Variants in ANGPT4 observed in about 807,000 individuals in gnomAD.
The protein encoded by ANGPT4 is angiopoietin-4.
In ANGPT4, 50 loss-of-function variants were observed where a neutral mutation model predicts 53.0. That is an observed-to-expected ratio of 0.94 (90% CI 0.75 to 1.20). The LOEUF is 1.20. ANGPT4 is among the 50% of genes most tolerant of loss of function. The pLI is 0.00. For synonymous variants in ANGPT4, 251 were observed against 259.7 expected, an observed-to-expected ratio of 0.97 and a Z score of 0.32; for missense variants, 648 against 637.1, an observed-to-expected ratio of 1.02 and a Z score of -0.18.
At chr20:881,355 G>T in intron 4 of ANGPT4, 69 bp from the exon 5 acceptor site, 1 of 1,398,010 alleles carries the variant, frequency 7.2e-7, no homozygotes, top group Non-Finnish European at 1.0e-6. Flanking sequence ...AAGTGGGCAT[G>T]CCTGCCTGCT....
intron 1 of ANGPT4, among the ~76,000 whole-genome samples, chr20:897,261 C>A (rs764973106): frequency 6.6e-6 from 1 of 152,222 alleles, no homozygotes; most frequent in Non-Finnish European, 1.5e-5. Flanking sequence ...CAGGAGGACT[C>A]CTTCAGGAGA....
chr20:894,130 C>G (rs1981954919), intron 1 of ANGPT4, among the ~76,000 whole-genome samples: 1 of 152,188 alleles, frequency 6.6e-6, no homozygotes, highest in South Asian at 2.1e-4. Flanking sequence ...ACTGTGCTCT[C>G]AGGCAATAGA....
intron 4 of ANGPT4, 96 bp from the exon 5 acceptor site, chr20:881,382 G>A (rs1168072647): frequency 9.1e-7 from 1 of 1,103,216 alleles, no homozygotes; most frequent in African/African-American, 1.6e-5. Context: ...CAGGTTCTGG[G>A]TTGGGAGGTG....
rs1300168261 is a variant in ANGPT4 at position 885,275 on chromosome 20, A to G, written c.638T>C (p.Leu213Pro). The change falls in exon 4 of 9, where the codon CTG becomes CCG. Residue 213 changes from leucine (L) to proline (P), a missense_variant. Physicochemically the swap from Leu to Pro is moderately conservative, Grantham distance 98. Transcript: ENST00000381922. ...CGCCTTCTTGCTGAGGATGCTGGCC[A>G]GCTCCTCCTGCTGCTTGGTCTCCAG... is the stretch of plus-strand genomic sequence containing the variant. Reference protein sequence around the residue: ...QALETKQQEELASILSKKAKL... With the variant: ...QALETKQQEEPASILSKKAKL... 2 of 1,582,860 alleles carry G rather than the reference A, an allele frequency of 1.3e-6. No individual in the cohort carries two copies.
chr20:886,815 A>G (rs1160030489), intron 3 of ANGPT4, among the ~76,000 whole-genome samples: 1 of 152,230 alleles, frequency 6.6e-6, no homozygotes, highest in Non-Finnish European at 1.5e-5. Flanking sequence ...ACCACTGTTA[A>G]GTCACAAAAT....
chr20:893,250 T>C (rs1301637187), intron 1 of ANGPT4, among the ~76,000 whole-genome samples: 1 of 152,194 alleles, frequency 6.6e-6, no homozygotes, highest in Non-Finnish European at 1.5e-5. Flanking sequence ...CTGAGAGTCA[T>C]TACCAATAGA....
intron 1 of ANGPT4, among the ~76,000 whole-genome samples, 191 bp from the exon 2 acceptor site, chr20:890,559 A>G (rs943775563): frequency 1.3e-5 from 2 of 152,096 alleles, no homozygotes; most frequent in African/African-American, 4.8e-5. Context: ...GGAGGGATTT[A>G]TATGCCTGTT....
intron 1 of ANGPT4, among the ~76,000 whole-genome samples, chr20:898,635 C>T (rs186677295): frequency 6.6e-6 from 1 of 152,324 alleles, no homozygotes; most frequent in East Asian, 1.9e-4. Flanking sequence ...ACTTAATGAA[C>T]CTTGCCTTCA....
At chr20:913,664 A>T (rs973995164) in intron 1 of ANGPT4, among the ~76,000 whole-genome samples, 11 of 152,178 alleles carry the variant, frequency 7.2e-5, no homozygotes, top group African/African-American at 2.7e-4. Context: ...GGATTCAAAG[A>T]TGGATGAGAG....
intron 6 of ANGPT4, among the ~76,000 whole-genome samples, chr20:878,786 T>C (rs1981274332): frequency 6.6e-6 from 1 of 152,164 alleles, no homozygotes; most frequent in Non-Finnish European, 1.5e-5. Context: ...AAAAATTAAA[T>C]AAAATATTTC....
At chr20:913,810 G>A (rs944136152) in intron 1 of ANGPT4, among the ~76,000 whole-genome samples, 5 of 152,242 alleles carry the variant, frequency 3.3e-5, no homozygotes, top group Non-Finnish European at 7.3e-5. Flanking sequence ...AGCTGCCTGG[G>A]GGATAGGTGG....
intron 1 of ANGPT4, among the ~76,000 whole-genome samples, chr20:902,514 A>G (rs2122848226): frequency 6.6e-6 from 1 of 152,278 alleles, no homozygotes; most frequent in Middle Eastern, 3.4e-3. Context: ...GATATCTACG[A>G]CACATTGTGT....
intron 1 of ANGPT4, among the ~76,000 whole-genome samples, chr20:909,496 C>A (rs1414082852): frequency 6.6e-6 from 1 of 152,202 alleles, no homozygotes; most frequent in Non-Finnish European, 1.5e-5. Flanking sequence ...CAAAAGGAAA[C>A]TATAGTAAGA....
chr20:881,301 C>T lies in ANGPT4; in HGVS notation c.836-15G>A. The T allele has an allele frequency of 6.2e-7, 1 of 1,612,054 alleles. No individual in the cohort carries two copies. Among genetic ancestry groups the T allele is most frequent in the Non-Finnish European group, 8.5e-7 (1 of 1,178,144 alleles). ...CATTATGAAGGCTGCAAAGGGACAACACAAAAGTCAGTTGGAGGTGGGCAA... is the reference window on the plus strand; with the variant it reads ...CATTATGAAGGCTGCAAAGGGACAATACAAAAGTCAGTTGGAGGTGGGCAA... On this transcript the variant is annotated splice_polypyrimidine_tract_variant and intron_variant, in intron 4 of 8. Coordinates refer to ENST00000381922, the MANE Select transcript of ANGPT4 (RefSeq NM_015985.4).
rs2122151599 is a variant in ANGPT4 at position 916,066 on chromosome 20, G to C, written c.149C>G (p.Pro50Arg). The change falls in exon 1 of 9, where the codon CCC becomes CGC. Residue 50 changes from proline to arginine, a missense_variant. By Grantham distance (103) the Pro-to-Arg change is moderately radical. Transcript: ENST00000381922. ...HGHCSYTFLL[P>R]KSEPCPPGPE... ...CCCCGGAGGGCAGGGCTCAGACTTGGGCAGCAAGAAGGTGTAGCTACAGTG... is the reference window on the plus strand; with the variant it reads ...CCCCGGAGGGCAGGGCTCAGACTTGCGCAGCAAGAAGGTGTAGCTACAGTG... The C allele has an allele frequency of 1.2e-6, 2 of 1,614,200 alleles. No homozygotes were observed. The highest frequency in any genetic ancestry group is 1.3e-5 in the African/African-American group (1 of 75,058).
intron 6 of ANGPT4, among the ~76,000 whole-genome samples, chr20:879,004 T>C (rs554715741): frequency 6.6e-6 from 1 of 152,356 alleles, no homozygotes; most frequent in Admixed American, 6.5e-5. Context: ...GTTAGCCTGA[T>C]GGTTAATATT....
At chr20:902,635 T>C (rs1365334793) in intron 1 of ANGPT4, among the ~76,000 whole-genome samples, 1 of 152,234 alleles carries the variant, frequency 6.6e-6, no homozygotes, top group African/African-American at 2.4e-5. Context: ...ACCTGTTTTC[T>C]GTTATGTTGA....
intron 3 of ANGPT4, 69 bp from the exon 4 acceptor site, chr20:885,394 C>T: frequency 6.9e-7 from 1 of 1,446,740 alleles, no homozygotes; most frequent in Non-Finnish European, 9.1e-7. Context: ...GCGCGCCTCC[C>T]CGGCCCTGGA....
chr20:899,066 G>A (rs1982170835), intron 1 of ANGPT4, among the ~76,000 whole-genome samples: 1 of 152,194 alleles, frequency 6.6e-6, no homozygotes, highest in South Asian at 2.1e-4. Flanking sequence ...CATCACAGAT[G>A]CTTTAGGTAA....
Sources: gnomAD v4.1 joint callset for allele counts (sites outside exome capture counted in the v4.1 genomes callset) on GRCh38, gnomAD v4.1.1 for gene constraint, MANE v1.5 for transcripts, NCBI Gene and HGNC (gene_info 2026-07-23, HGNC 2026-07-21) for gene names.